The following PDLIM5 variants were observed in gnomAD, a reference collection of about 807,000 sequenced individuals.
PDLIM5 encodes the protein PDZ and LIM domain 5, also known as PDZ and LIM domain protein 5.
PDLIM5 carries 34 observed loss-of-function variants against 64.2 expected under a neutral mutation model. That is an observed-to-expected ratio of 0.53 (90% CI 0.40 to 0.71). The LOEUF (loss-of-function observed/expected upper bound fraction) is 0.71, where lower values mean the gene tolerates loss of function less well. Ranked by LOEUF, PDLIM5 falls within the 30% of genes least tolerant of loss-of-function variation. PDLIM5 has a pLI of 0.00. For synonymous variants in PDLIM5, 253 were observed against 269.1 expected, an observed-to-expected ratio of 0.94 and a Z score of 0.59; for missense variants, 683 against 733.6, an observed-to-expected ratio of 0.93 and a Z score of 0.80.
intron 2 of PDLIM5, among the ~76,000 whole-genome samples, chr4:94,522,926 T>A (rs1285576155): frequency 1.3e-5 from 2 of 152,214 alleles, no homozygotes; most frequent in Non-Finnish European, 2.9e-5. Flanking sequence ...TTGTACTTGT[T>A]TCATATTTCT....
At chr4:94,567,020 G>A (rs2110258813) in intron 3 of PDLIM5, among the ~76,000 whole-genome samples, 1 of 152,330 alleles carries the variant, frequency 6.6e-6, no homozygotes, top group African/African-American at 2.4e-5. Context: ...ATGAGACGGA[G>A]TCTCGCTCTG....
chr4:94,637,225 T>G (rs1451031189), intron 8 of PDLIM5, among the ~76,000 whole-genome samples: 1 of 152,150 alleles, frequency 6.6e-6, no homozygotes, highest in Admixed American at 6.5e-5. Context: ...AAAAAAGTGG[T>G]ACTAATAACA....
rs1722883809 is a variant in PDLIM5, at chr4:94,451,990, C to T, written c.-48C>T. 1 of 152,316 alleles carries T rather than the reference C, an allele frequency of 6.6e-6. No individual in the cohort carries two copies. The highest frequency in any genetic ancestry group is 2.4e-5 in the African/African-American group (1 of 41,442). 9.4% of individuals were successfully genotyped at this position (152,316 alleles called of 1,614,324 possible). A position where few individuals can be genotyped will look rare whatever the true frequency, so the allele number is the denominator to read the frequency against. On this transcript the variant is annotated 5_prime_UTR_variant, in exon 1 of 13. Coordinates refer to ENST00000317968, the MANE Select transcript of PDLIM5 (RefSeq NM_006457.5). ...GGAGGCAGCCCCGCGCCGCGCCGGA[C>T]CCGAGGTGAGTGGCGGCCGGCCGGC...
chr4:94,455,451 T>A, intron 2 of PDLIM5, 67 bp downstream of exon 2: 1 of 991,616 alleles, frequency 1.0e-6, no homozygotes, highest in Non-Finnish European at 1.6e-6. Context: ...CTGAGTTGTT[T>A]AATTCTCTGT....
chr4:94,660,456 G>A (rs1489768124), intron 11 of PDLIM5, among the ~76,000 whole-genome samples: 5 of 151,912 alleles, frequency 3.3e-5, no homozygotes, highest in Non-Finnish European at 7.4e-5. Context: ...CCTTAATAGT[G>A]TAGTGCCCCC....
rs1002425458 is a variant in PDLIM5 at position 94,610,119 on chromosome 4, T to C, written c.921-7885T>C. The stretch of plus-strand genomic sequence containing the variant: ...TTTATTATGCTACCCTTTCTCACTT[T>C]CCTTTTTGTTCCTCTCCTGTTTTTC... On this transcript the variant is annotated intron_variant, in intron 7 of 12. Transcript: ENST00000317968. 57 of 1,250,158 alleles carry C rather than the reference T, an allele frequency of 4.6e-5. 1 individual carries two copies. The highest frequency in any genetic ancestry group is 9.7e-5 in the Admixed American group (4 of 41,282). The allele number at this position is 1,250,158 out of a possible 1,614,324, so 77.4% of individuals were successfully genotyped here. A position where few individuals can be genotyped will look rare whatever the true frequency, so the allele number is the denominator to read the frequency against.
At chr4:94,533,901 T>C (rs1423436982) in intron 3 of PDLIM5, among the ~76,000 whole-genome samples, 2 of 152,224 alleles carry the variant, frequency 1.3e-5, no homozygotes, top group Admixed American at 6.5e-5. Flanking sequence ...AAGATAATGA[T>C]GCAAGATTTA....
chr4:94,546,245 A>G (rs1732305006), intron 3 of PDLIM5, among the ~76,000 whole-genome samples: 1 of 152,182 alleles, frequency 6.6e-6, no homozygotes, highest in African/African-American at 2.4e-5. Flanking sequence ...GTCCCTGGTT[A>G]TTAATTTCTC....
chr4:94,644,792 C>T (rs945406219), intron 9 of PDLIM5, among the ~76,000 whole-genome samples: 1 of 152,104 alleles, frequency 6.6e-6, no homozygotes, highest in Admixed American at 6.5e-5. Context: ...CCACCTGCCT[C>T]GGCCTCCCAA....
intron 3 of PDLIM5, among the ~76,000 whole-genome samples, chr4:94,569,900 G>A (rs1365460192): frequency 1.3e-5 from 2 of 151,784 alleles, no homozygotes; most frequent in East Asian, 3.9e-4. Context: ...AACAAATTGG[G>A]GTGATATCAC....
chr4:94,456,120 A>G (rs2126072373), intron 2 of PDLIM5: 1 of 640,402 alleles, frequency 1.6e-6, no homozygotes, highest in Admixed American at 3.8e-5. Flanking sequence ...ACTATTATAT[A>G]AGTTTCTAAA....
At chr4:94,453,612 G>A (rs1166307113) in intron 1 of PDLIM5, among the ~76,000 whole-genome samples, 1 of 152,156 alleles carries the variant, frequency 6.6e-6, no homozygotes, top group Non-Finnish European at 1.5e-5. Flanking sequence ...AATAAAGGAG[G>A]GCAGGCTGCC....
chr4:94,534,392 A>G (rs1731143945), intron 3 of PDLIM5, among the ~76,000 whole-genome samples: 1 of 152,242 alleles, frequency 6.6e-6, no homozygotes, highest in Admixed American at 6.5e-5. Context: ...TTAAAATTTC[A>G]TAATGTTCAT....
In PDLIM5 at chr4:94,529,630, G is replaced by A. The variant is rs1357901902; in HGVS notation, c.248+5755G>A. ...CTTTAATTTGGGGGCATATAATAAA[G>A]CAAACACATTTTCTTTCTATGACAT... On this transcript the variant is annotated intron_variant, in intron 3 of 12. Transcript: ENST00000317968. 3.9e-5 allele frequency among the ~76,000 whole-genome samples: 6 copies of A among 152,170 alleles called. No individual in the cohort carries two copies. The East Asian group carries it at 1.2e-3, about 29-fold the overall frequency.
chr4:94,547,831 CT>C (rs1732457201), intron 3 of PDLIM5, among the ~76,000 whole-genome samples: 1 of 152,174 alleles, frequency 6.6e-6, no homozygotes, highest in Admixed American at 6.5e-5. Flanking sequence ...TTTCCTAGTA[CT>C]TTATGCAGGT....
Position 94,524,662 on chromosome 4 carries a change from C to T in PDLIM5, c.248+787C>T, listed in dbSNP as rs889225870. On this transcript the variant is annotated intron_variant, in intron 3 of 12. Coordinates refer to ENST00000317968, the MANE Select transcript of PDLIM5 (RefSeq NM_006457.5). ...CAAGTTATAAAATAATTAATCATCA[C>T]ATTGTTTATAATATATCAGGTATTT... Among the ~76,000 whole-genome samples, 5 of 151,926 alleles carry T rather than the reference C, an allele frequency of 3.3e-5. No individual in the cohort carries two copies. In the East Asian group the frequency reaches 9.6e-4, roughly 29 times the overall value.
chr4:94,662,768 T>C (rs1342678687), intron 12 of PDLIM5, among the ~76,000 whole-genome samples: 1 of 152,002 alleles, frequency 6.6e-6, no homozygotes, highest in Non-Finnish European at 1.5e-5. Flanking sequence ...TTTTAATATA[T>C]TTTTGTCTAT....
Position 94,543,822 on chromosome 4 carries a change from GTGTGTGTGTGTGTT to G in PDLIM5, c.248+19949_248+19962del, listed in dbSNP as rs1732061008. ...TGTGTGTGTGTGTGTGTGTGTGTGT[GTGTGTGTGTGTGTT>G]TTCTTTATCCTTGCATTTATTGATG... is the stretch of plus-strand genomic sequence containing the variant. On this transcript the variant is annotated intron_variant, in intron 3 of 12. Coordinates refer to ENST00000317968, the MANE Select transcript of PDLIM5 (RefSeq NM_006457.5). Among the ~76,000 whole-genome samples, 3 of 88,676 alleles carry G rather than the reference GTGTGTGTGTGTGTT, an allele frequency of 3.4e-5. 1 individual carries two copies. Among genetic ancestry groups the G allele is most frequent in the Non-Finnish European group, 7.2e-5 (3 of 41,806 alleles). 58.2% of individuals were successfully genotyped at this position (88,676 alleles called of 152,430 possible).
intron 7 of PDLIM5, chr4:94,610,389 T>C: frequency 1.4e-6 from 1 of 726,830 alleles, no homozygotes; most frequent in Non-Finnish European, 2.1e-6. Context: ...AACATGCCCC[T>C]TTGAAGCAAT....
Sources: allele counts gnomAD v4.1 joint callset (sites outside exome capture counted in the v4.1 genomes callset), GRCh38; gene constraint gnomAD v4.1.1; transcripts MANE v1.5; gene names NCBI Gene and HGNC (gene_info 2026-07-23, HGNC 2026-07-21).